The following HHAT variants were observed in gnomAD, a reference collection of about 807,000 sequenced individuals.
The protein encoded by HHAT is hedgehog acyltransferase, also known as protein-cysteine N-palmitoyltransferase HHAT.
In HHAT, 47 loss-of-function variants were observed where a neutral mutation model predicts 70.8. The observed-to-expected ratio is 0.66, with a 90% CI of 0.53 to 0.85. HHAT has a LOEUF of 0.85. HHAT is among the 40% of genes least tolerant of loss of function. HHAT has a pLI of 0.00. For synonymous variants in HHAT, 228 were observed against 247.6 expected, an observed-to-expected ratio of 0.92 and a Z score of 0.74; for missense variants, 609 against 604.8, an observed-to-expected ratio of 1.01 and a Z score of -0.07.
chr1:210,673,241 C>T (rs890739016), intron 11 of HHAT, among the ~76,000 whole-genome samples: 1 of 152,072 alleles, frequency 6.6e-6, no homozygotes. Flanking sequence ...ATTCTTGAAA[C>T]CTCTGGGGAG....
At chr1:210,329,928 T>G (rs1571613911) in intron 1 of HHAT, among the ~76,000 whole-genome samples, 1 of 152,262 alleles carries the variant, frequency 6.6e-6, no homozygotes, top group African/African-American at 2.4e-5. Flanking sequence ...GTATTTTTAG[T>G]AGAGACGAGG....
intron 7 of HHAT, among the ~76,000 whole-genome samples, chr1:210,418,598 C>T (rs2092797306): frequency 6.6e-6 from 1 of 152,090 alleles, no homozygotes; most frequent in Non-Finnish European, 1.5e-5. Context: ...TAGCTGGGTC[C>T]ACATCTTCAC....
chr1:210,503,085 G>C (rs1047485330), intron 8 of HHAT, among the ~76,000 whole-genome samples: 3 of 151,880 alleles, frequency 2.0e-5, no homozygotes, highest in Non-Finnish European at 4.4e-5. Flanking sequence ...TCAGCCTCCC[G>C]AGTAGCTAGG....
intron 9 of HHAT, among the ~76,000 whole-genome samples, chr1:210,583,806 A>G (rs976792830): frequency 2.6e-5 from 4 of 152,170 alleles, no homozygotes; most frequent in East Asian, 1.9e-4. Flanking sequence ...ATAGCTGGGC[A>G]TGTAATTTTG....
chr1:210,430,585 A>G (rs1329037783), intron 7 of HHAT, among the ~76,000 whole-genome samples: 2 of 151,860 alleles, frequency 1.3e-5, no homozygotes, highest in Non-Finnish European at 2.9e-5. Context: ...TGAGCGTATT[A>G]TTTGTGGTGA....
intron 9 of HHAT, among the ~76,000 whole-genome samples, chr1:210,561,868 G>GT (rs1415410738): frequency 6.6e-6 from 1 of 152,178 alleles, no homozygotes; most frequent in Non-Finnish European, 1.5e-5. Context: ...CTCCCTGAAG[G>GT]TGGGGACTGT....
chr1:210,375,952 A>G (rs12140650), intron 3 of HHAT, among the ~76,000 whole-genome samples: 56,477 of 150,482 alleles, frequency 0.38, 11,813 homozygotes, highest in African/African-American at 0.57. Context: ...CCCGGGTTCA[A>G]ATGATTCTTC....
chr1:210,657,693 C>T (rs1264516263), intron 11 of HHAT, among the ~76,000 whole-genome samples: 1 of 152,360 alleles, frequency 6.6e-6, no homozygotes, highest in East Asian at 1.9e-4. Flanking sequence ...AGGCATCACT[C>T]TCTTTCCTTT....
At chr1:210,619,942 T>C (rs1668509742) in intron 10 of HHAT, among the ~76,000 whole-genome samples, 1 of 152,254 alleles carries the variant, frequency 6.6e-6, no homozygotes, top group South Asian at 2.1e-4. Context: ...TGATGGCTTT[T>C]CACTGTCTTC....
In HHAT at chr1:210,615,400, G is replaced by A. The variant is rs185239686; in HGVS notation, c.1246-8126G>A. Among the ~76,000 whole-genome samples, 21 of 152,222 alleles carry A rather than the reference G, an allele frequency of 1.4e-4. No individual in the cohort carries two copies. The East Asian group carries it at 2.7e-3, about 20-fold the overall frequency. The stretch of plus-strand genomic sequence containing the variant: ...GGGTTCGAACTTCCTCCTTTAGCTC[G>A]GAGAAGTTTGATCGTCTGAAGCCTT... On this transcript the variant is annotated intron_variant, in intron 10 of 11. Transcript: ENST00000261458.
chr1:210,327,711 G>A (rs1039156215), upstream of HHAT, among the ~76,000 whole-genome samples: 1 of 152,140 alleles, frequency 6.6e-6, no homozygotes, highest in African/African-American at 2.4e-5. Context: ...TCACCATGTT[G>A]GCCAGGCTGG....
chr1:210,529,159 G>T (rs2148628541), intron 9 of HHAT, among the ~76,000 whole-genome samples: 1 of 152,178 alleles, frequency 6.6e-6, no homozygotes, highest in South Asian at 2.1e-4. Context: ...ACAAAAATTA[G>T]CCAGGTATGG....
intron 9 of HHAT, among the ~76,000 whole-genome samples, chr1:210,529,947 A>G (rs1309726975): frequency 6.6e-6 from 1 of 152,202 alleles, no homozygotes; most frequent in Non-Finnish European, 1.5e-5. Context: ...AAACTAAGTT[A>G]TGTATCAGAC....
chr1:210,450,373 T>G (rs754544445), intron 7 of HHAT, among the ~76,000 whole-genome samples: 1 of 152,044 alleles, frequency 6.6e-6, no homozygotes, highest in Non-Finnish European at 1.5e-5. Flanking sequence ...GTATGGAAGA[T>G]CTGCATAGAT....
intron 10 of HHAT, among the ~76,000 whole-genome samples, chr1:210,596,865 T>G (rs772413600): frequency 2.6e-5 from 4 of 152,144 alleles, no homozygotes; most frequent in Non-Finnish European, 5.9e-5. Flanking sequence ...CATGGATGGT[T>G]GTCATGCTTG....
Position 210,623,157 on chromosome 1 carries a change from G to A in HHAT, c.1246-369G>A, listed in dbSNP as rs12566591. ...TGTGATCATGGCTCACTGCAGCCTCGAACTCCCGGGCTGAAGCAATCCTCC... is the reference window on the plus strand; with the variant it reads ...TGTGATCATGGCTCACTGCAGCCTCAAACTCCCGGGCTGAAGCAATCCTCC... On this transcript the variant is annotated intron_variant, in intron 10 of 11. Transcript: ENST00000261458. Among the ~76,000 whole-genome samples, 127 of 152,240 alleles carry A rather than the reference G, an allele frequency of 8.3e-4. 2 individuals are homozygous for A. The East Asian group carries it at 0.023, about 28-fold the overall frequency.
At chr1:210,422,295 C>T (rs923357172) in intron 7 of HHAT, among the ~76,000 whole-genome samples, 1 of 152,174 alleles carries the variant, frequency 6.6e-6, no homozygotes, top group East Asian at 1.9e-4. Flanking sequence ...TATTTTCCTT[C>T]TAGCTATTTG....
At position 210,386,234 on chromosome 1, in the gene HHAT, T is replaced by TTTTTTC. The variant is rs1223047612; in HGVS notation, c.160-1229_160-1228insCTTTTT. On this transcript the variant is annotated intron_variant, in intron 3 of 11. Coordinates refer to ENST00000261458, the MANE Select transcript of HHAT (RefSeq NM_018194.6). ...CAGGAGTCCTTTTCTTTTTTTCTTTTTTTTTTTTTTTTTTTTTTTTTTGAG... is the reference window on the plus strand; with the variant it reads ...CAGGAGTCCTTTTCTTTTTTTCTTTTTTTTTCTTTTTTTTTTTTTTTTTTTTTTGAG... Among the ~76,000 whole-genome samples, 121 of 38,772 alleles carry TTTTTTC rather than the reference T, an allele frequency of 3.1e-3. 3 individuals are homozygous for TTTTTTC. The highest frequency in any genetic ancestry group is 0.012 in the Middle Eastern group (1 of 86). 25.4% of individuals were successfully genotyped at this position (38,772 alleles called of 152,430 possible).
At chr1:210,551,205 G>A (rs939548889) in intron 9 of HHAT, among the ~76,000 whole-genome samples, 3 of 148,642 alleles carry the variant, frequency 2.0e-5, no homozygotes, top group African/African-American at 5.0e-5. Context: ...TCCATCGACC[G>A]AATTAAAGTG....
Sources: gnomAD v4.1 joint callset for allele counts (sites outside exome capture counted in the v4.1 genomes callset) on GRCh38, gnomAD v4.1.1 for gene constraint, MANE v1.5 for transcripts, NCBI Gene and HGNC (gene_info 2026-07-23, HGNC 2026-07-21) for gene names.